The following ADGRL2 variants were observed in gnomAD, a reference collection of about 807,000 sequenced individuals.
ADGRL2 encodes the protein calcium-independent alpha-latrotoxin receptor 2.
ADGRL2 carries 44 observed loss-of-function variants against 157.4 expected under a neutral mutation model. The ratio of observed to expected loss-of-function variants is 0.28; its 90% CI spans 0.22 to 0.36. The LOEUF (loss-of-function observed/expected upper bound fraction) is 0.36. Among genes scored for constraint, ADGRL2 ranks in the 10% least tolerant of loss-of-function variants. The pLI is 1.00. For missense variants in ADGRL2, 1,510 were observed against 1,768.9 expected (o/e 0.85, Z 2.63); for synonymous variants, 585 against 624.7 (o/e 0.94, Z 0.95).
intron 1 of ADGRL2, among the ~76,000 whole-genome samples, chr1:81,382,787 A>G (rs1288140621): frequency 2.0e-5 from 3 of 152,206 alleles, no homozygotes; most frequent in Non-Finnish European, 2.9e-5. Context: ...GTAATAGAAA[A>G]TATGGAAGAT....
Position 81,992,840 on chromosome 1 carries a change from T to C in ADGRL2, c.*1695T>C, listed in dbSNP as rs974586643. 3.3e-5 allele frequency among the ~76,000 whole-genome samples: 5 copies of C among 151,706 alleles called. No individual in the cohort carries two copies. Among genetic ancestry groups the C allele is most frequent in the African/African-American group, 7.3e-5 (3 of 41,274 alleles). ...CAATATACATTACCCTGGAAAAGTT[T>C]TACTCCAAGTTCAAAAATCATATAA... On this transcript the variant is annotated 3_prime_UTR_variant, in exon 24 of 24. Coordinates refer to ENST00000686636, the MANE Select transcript of ADGRL2 (RefSeq NM_001366006.2).
Position 81,993,313 on chromosome 1 carries a change from A to G in ADGRL2, c.*2168A>G, listed in dbSNP as rs1664929324. Among the ~76,000 whole-genome samples the G allele has an allele frequency of 1.3e-5, 2 of 151,224 alleles. No homozygotes were observed. The highest frequency in any genetic ancestry group is 4.9e-5 in the African/African-American group (2 of 41,112). On this transcript the variant is annotated 3_prime_UTR_variant, in exon 24 of 24. Transcript: ENST00000686636. ...GGCATTAGATAATCAAGTATTTTTA[A>G]TTTTCCATCTTGTTATACTTTTTAT...
At chr1:81,612,653 A>G (rs138645984) in intron 3 of ADGRL2, among the ~76,000 whole-genome samples, 188 of 152,076 alleles carry the variant, frequency 1.2e-3, no homozygotes, top group African/African-American at 4.4e-3. Context: ...TAGTATGCCT[A>G]TTTTCTGTCA....
intron 3 of ADGRL2, among the ~76,000 whole-genome samples, chr1:81,692,163 T>G (rs2083355179): frequency 6.6e-6 from 1 of 151,794 alleles, no homozygotes; most frequent in Non-Finnish European, 1.5e-5. Context: ...TCCTAGCACT[T>G]TGGGAGGCCA....
At chr1:81,887,752 A>G (rs1373778735) in intron 2 of ADGRL2, among the ~76,000 whole-genome samples, 1 of 152,204 alleles carries the variant, frequency 6.6e-6, no homozygotes, top group Non-Finnish European at 1.5e-5. Flanking sequence ...AAGGTGCAAG[A>G]CTTGATATTC....
intron 12 of ADGRL2, 62 bp downstream of exon 12, chr1:81,966,245 T>G: frequency 6.2e-7 from 1 of 1,603,524 alleles, no homozygotes; most frequent in Non-Finnish European, 8.5e-7. Flanking sequence ...CTATTAATTC[T>G]AAAATGTATT....
At chr1:81,482,400 A>T (rs1212802467) in intron 2 of ADGRL2, among the ~76,000 whole-genome samples, 1 of 140,214 alleles carries the variant, frequency 7.1e-6, no homozygotes, top group Admixed American at 6.7e-5. Flanking sequence ...AGAACAACTT[A>T]AAAAAAATTA....
intron 3 of ADGRL2, among the ~76,000 whole-genome samples, chr1:81,623,877 G>A (rs1049741419): frequency 1.3e-5 from 2 of 151,932 alleles, no homozygotes; most frequent in Admixed American, 6.6e-5. Flanking sequence ...CTTCATGATT[G>A]GCCCTCCTCA....
At chr1:81,532,080 A>G (rs2079613687) in intron 2 of ADGRL2, among the ~76,000 whole-genome samples, 1 of 152,166 alleles carries the variant, frequency 6.6e-6, no homozygotes, top group South Asian at 2.1e-4. Context: ...GCTTTAATAT[A>G]CTATTTAATT....
At chr1:81,830,659 C>A (rs1164139069) in intron 1 of ADGRL2, among the ~76,000 whole-genome samples, 1 of 152,118 alleles carries the variant, frequency 6.6e-6, no homozygotes, top group African/African-American at 2.4e-5. Flanking sequence ...AAGTGCCCGC[C>A]ACCACGCCTG....
chr1:81,654,545 C>T (rs1256230403), intron 3 of ADGRL2, among the ~76,000 whole-genome samples: 1 of 152,192 alleles, frequency 6.6e-6, no homozygotes, highest in East Asian at 1.9e-4. Context: ...AAATTTGTTG[C>T]AATCCTACAT....
intron 2 of ADGRL2, among the ~76,000 whole-genome samples, chr1:81,891,124 A>G (rs1197486996): frequency 6.6e-6 from 1 of 151,894 alleles, no homozygotes; most frequent in African/African-American, 2.4e-5. Context: ...TCTTTTACAT[A>G]CTTTTCTGGG....
At chr1:81,572,151 T>C (rs1319642710) in intron 2 of ADGRL2, among the ~76,000 whole-genome samples, 1 of 152,250 alleles carries the variant, frequency 6.6e-6, no homozygotes, top group Non-Finnish European at 1.5e-5. Context: ...GAGGAATTTA[T>C]TGGCCTCTGA....
At chr1:81,543,085 G>T (rs1234678090) in intron 2 of ADGRL2, among the ~76,000 whole-genome samples, 1 of 151,392 alleles carries the variant, frequency 6.6e-6, no homozygotes, top group Non-Finnish European at 1.5e-5. Context: ...TTCAAGATAA[G>T]TTATCTAGCA....
chr1:81,891,719 G>A (rs1461882035), intron 2 of ADGRL2, among the ~76,000 whole-genome samples: 1 of 151,324 alleles, frequency 6.6e-6, no homozygotes, highest in Non-Finnish European at 1.5e-5. Context: ...ATCTTTTTTT[G>A]CTCCACTACA....
At chr1:81,611,378 G>A (rs895954232) in intron 3 of ADGRL2, among the ~76,000 whole-genome samples, 1 of 152,164 alleles carries the variant, frequency 6.6e-6, no homozygotes, top group Non-Finnish European at 1.5e-5. Context: ...AATCTACAAA[G>A]TGAACATTGA....
At chr1:81,443,248 C>T (rs937035735) in intron 1 of ADGRL2, among the ~76,000 whole-genome samples, 2 of 151,918 alleles carry the variant, frequency 1.3e-5, no homozygotes, top group African/African-American at 4.8e-5. Context: ...TGATGAAACC[C>T]CATCTCTACT....
At chr1:81,864,501 A>T (rs573920002) in intron 2 of ADGRL2, among the ~76,000 whole-genome samples, 13 of 152,274 alleles carry the variant, frequency 8.5e-5, no homozygotes, top group African/African-American at 1.7e-4. Context: ...TTAAGGATAA[A>T]TTTTTTAAAA....
chr1:81,708,435 C>T (rs1224482629), intron 1 of ADGRL2, among the ~76,000 whole-genome samples: 1 of 152,094 alleles, frequency 6.6e-6, no homozygotes, highest in African/African-American at 2.4e-5. Flanking sequence ...GTTGCCAGAA[C>T]AGCATGACTG....
Sources: gnomAD v4.1 joint callset for allele counts (sites outside exome capture counted in the v4.1 genomes callset) on GRCh38, gnomAD v4.1.1 for gene constraint, MANE v1.5 for transcripts, NCBI Gene and HGNC (gene_info 2026-07-23, HGNC 2026-07-21) for gene names.